Variants in RBMS3 observed in about 807,000 individuals in gnomAD.
The protein encoded by RBMS3 is RNA binding motif single stranded interacting protein 3.
A neutral mutation model predicts 66.8 loss-of-function variants in RBMS3; 27 were observed. The observed-to-expected ratio is 0.40, with a 90% confidence interval of 0.30 to 0.56. RBMS3 has a LOEUF of 0.56. Ranked by LOEUF, RBMS3 falls within the 20% of genes least tolerant of loss-of-function variation. The pLI is 0.40. For synonymous variants in RBMS3, 188 were observed against 183.0 expected (o/e 1.03, Z -0.22); for missense variants, 513 against 549.5 (o/e 0.93, Z 0.66).
chr3:29,388,720 T>C (rs879755307), intron 1 of RBMS3, among the ~76,000 whole-genome samples: 15 of 152,224 alleles, frequency 9.9e-5, no homozygotes, highest in East Asian at 1.9e-4. Flanking sequence ...CAACCGCCAC[T>C]ATGCCCAGCT....
intron 4 of RBMS3, among the ~76,000 whole-genome samples, chr3:29,611,507 T>G (rs937832872): frequency 6.6e-6 from 1 of 151,918 alleles, no homozygotes; most frequent in African/African-American, 2.4e-5. Flanking sequence ...GAGTTTGATG[T>G]GTATTTTATG....
intron 3 of RBMS3, among the ~76,000 whole-genome samples, chr3:29,517,021 T>C (rs1008728117): frequency 6.6e-6 from 1 of 151,976 alleles, no homozygotes; most frequent in African/African-American, 2.4e-5. Flanking sequence ...GAGAACAGCC[T>C]GGGCAACATA....
At chr3:29,913,354 G>T (rs1327579607) in intron 10 of RBMS3, among the ~76,000 whole-genome samples, 4 of 151,974 alleles carry the variant, frequency 2.6e-5, no homozygotes, top group Admixed American at 2.6e-4. Context: ...CATCAGCAGA[G>T]AAAACATCTT....
chr3:29,970,681 C>A (rs982610883), intron 12 of RBMS3, among the ~76,000 whole-genome samples: 1 of 152,158 alleles, frequency 6.6e-6, no homozygotes, highest in Non-Finnish European at 1.5e-5. Flanking sequence ...AAGCTTTATG[C>A]AACATGTATT....
At chr3:29,598,640 G>A (rs2048043333) in intron 4 of RBMS3, among the ~76,000 whole-genome samples, 1 of 151,932 alleles carries the variant, frequency 6.6e-6, no homozygotes, top group Admixed American at 6.6e-5. Context: ...ATCTGATATT[G>A]CATTCATTCC....
chr3:29,421,884 G>A (rs1012939674), intron 1 of RBMS3, among the ~76,000 whole-genome samples: 1 of 152,142 alleles, frequency 6.6e-6, no homozygotes, highest in Non-Finnish European at 1.5e-5. Context: ...ACAAGCCAGA[G>A]TTGGCTAGAT....
In RBMS3 at chr3:29,300,498, A is replaced by G. The variant is rs187858005; in HGVS notation, c.75+18742A>G. On this transcript the variant is annotated intron_variant, in intron 1 of 14. Coordinates refer to ENST00000383767, the MANE Select transcript of RBMS3 (RefSeq NM_001003793.3). Reference sequence around the variant, plus strand: ...CATGAAATCAATGAATATGGATATAATGACTGAGGAAAATACCATACTGTT... The same window carrying G: ...CATGAAATCAATGAATATGGATATAGTGACTGAGGAAAATACCATACTGTT... Among the ~76,000 whole-genome samples the G allele has an allele frequency of 2.7e-3, 405 of 152,084 alleles. 3 individuals are homozygous for G. The highest frequency in any genetic ancestry group is 9.4e-3 in the African/African-American group (389 of 41,544).
Position 29,997,020 on chromosome 3 carries a change from G to A in RBMS3, c.1307+5811G>A, listed in dbSNP as rs551077696. On this transcript the variant is annotated intron_variant, in intron 14 of 14. Coordinates refer to ENST00000383767, the MANE Select transcript of RBMS3 (RefSeq NM_001003793.3). Reference sequence around the variant, plus strand: ...GATCAAAAAAATTGATAGACCGCTAGCAAGACTAATAAAGAAAAAAAGAGA... The same window carrying A: ...GATCAAAAAAATTGATAGACCGCTAACAAGACTAATAAAGAAAAAAAGAGA... 1.1e-3 allele frequency among the ~76,000 whole-genome samples: 170 copies of A among 151,824 alleles called. 1 individual carries two copies. The highest frequency in any genetic ancestry group is 3.6e-3 in the African/African-American group (148 of 41,320).
chr3:29,936,125 A>G lies in RBMS3; in HGVS notation c.979A>G (p.Met327Val), dbSNP rs1413894932. 20 of 1,613,224 alleles carry G rather than the reference A, an allele frequency of 1.2e-5. No homozygotes were observed. Among genetic ancestry groups the G allele is most frequent in the East Asian group, 2.2e-5 (1 of 44,860 alleles). The stretch of plus-strand genomic sequence containing the variant: ...ACCAACCATGGACCATCCCATGTCA[A>G]TGCAGCCAGCCAACATGATGGGCCC... Reference protein sequence around the residue: ...ITPTMDHPMSMQPANMMGPLT... With the variant: ...ITPTMDHPMSVQPANMMGPLT... The change falls in exon 11 of 15, where the codon ATG becomes GTG. Residue 327 changes from methionine to valine, a missense_variant. By Grantham distance (21) the Met-to-Val change is conservative. Transcript: ENST00000383767.
At chr3:29,444,060 G>A (rs2041726732) in intron 2 of RBMS3, among the ~76,000 whole-genome samples, 1 of 152,070 alleles carries the variant, frequency 6.6e-6, no homozygotes, top group African/African-American at 2.4e-5. Flanking sequence ...TCTAAAATGA[G>A]CTTTGCATTG....
rs79198998 is a variant in RBMS3, at chr3:29,746,779, G to A, written c.557+6902G>A. ...AATAACTTGTTATTCTGAAGTCTCC[G>A]AGACGGCAGTCTTGTTGTATATATG... is the stretch of plus-strand genomic sequence containing the variant. On this transcript the variant is annotated intron_variant, in intron 5 of 14. Coordinates refer to ENST00000383767, the MANE Select transcript of RBMS3 (RefSeq NM_001003793.3). Among the ~76,000 whole-genome samples the A allele has an allele frequency of 5.6e-4, 85 of 152,240 alleles. 1 individual carries two copies. In the East Asian group the frequency reaches 0.01, roughly 18 times the overall value.
At chr3:29,386,597 T>G (rs2039019820) in intron 1 of RBMS3, among the ~76,000 whole-genome samples, 1 of 152,188 alleles carries the variant, frequency 6.6e-6, no homozygotes, top group Non-Finnish European at 1.5e-5. Flanking sequence ...GTTGCTCTCC[T>G]GAAACATCAG....
intron 4 of RBMS3, among the ~76,000 whole-genome samples, chr3:29,720,288 A>T (rs182576528): frequency 1.2e-4 from 19 of 152,322 alleles, no homozygotes; most frequent in Non-Finnish European, 2.2e-4. Context: ...AAATTGTATC[A>T]TATGTAGCCA....
intron 1 of RBMS3, among the ~76,000 whole-genome samples, chr3:29,317,318 A>G (rs1028067330): frequency 2.6e-5 from 4 of 151,804 alleles, no homozygotes; most frequent in African/African-American, 9.7e-5. Flanking sequence ...TATTTTTTCT[A>G]TGTCCAGATA....
intron 2 of RBMS3, among the ~76,000 whole-genome samples, chr3:29,469,123 A>C (rs1461999739): frequency 6.6e-6 from 1 of 152,136 alleles, no homozygotes; most frequent in Non-Finnish European, 1.5e-5. Context: ...GAAATGCCTA[A>C]TTTAGATTTG....
chr3:29,367,486 G>A (rs9856482), intron 1 of RBMS3, among the ~76,000 whole-genome samples: 94,758 of 151,912 alleles, frequency 0.62, 30,105 homozygotes, highest in Non-Finnish European at 0.69. Context: ...AATCACAGAT[G>A]TTTTTAATAC....
chr3:29,606,780 G>C (rs534540547), intron 4 of RBMS3, among the ~76,000 whole-genome samples: 13 of 152,000 alleles, frequency 8.6e-5, no homozygotes, highest in African/African-American at 3.1e-4. Context: ...GTGCTCACTT[G>C]CAGACAAATG....
chr3:29,529,349 A>G (rs2045260619), intron 3 of RBMS3, among the ~76,000 whole-genome samples: 4 of 152,242 alleles, frequency 2.6e-5, no homozygotes, highest in Admixed American at 2.0e-4. Flanking sequence ...GTTTATGGCC[A>G]TGGGGGCAAA....
At chr3:29,885,789 T>A (rs2059855818) in intron 8 of RBMS3, among the ~76,000 whole-genome samples, 1 of 151,840 alleles carries the variant, frequency 6.6e-6, no homozygotes, top group Non-Finnish European at 1.5e-5. Context: ...CTAGAGTATG[T>A]ATTATGTATG....
Sources: allele counts gnomAD v4.1 joint callset (sites outside exome capture counted in the v4.1 genomes callset), GRCh38; gene constraint gnomAD v4.1.1; transcripts MANE v1.5; gene names NCBI Gene and HGNC (gene_info 2026-07-23, HGNC 2026-07-21).